CNTN5: variants seen among roughly 807,000 people sequenced by gnomAD.
The protein encoded by CNTN5 is contactin-5.
In CNTN5, 77 loss-of-function variants were observed where a neutral mutation model predicts 129.1. The ratio of observed to expected loss-of-function variants is 0.60; its 90% CI spans 0.50 to 0.72. The LOEUF (loss-of-function observed/expected upper bound fraction) is 0.72. Ranked by LOEUF, CNTN5 falls within the 30% of genes least tolerant of loss-of-function variation. The probability of loss-of-function intolerance (pLI) is 0.00; values close to 1 mark genes in which losing one functional copy is unlikely to be tolerated. For missense variants in CNTN5, 1,478 were observed against 1,328.8 expected (o/e 1.11, Z -1.75); for synonymous variants, 509 against 465.6 (o/e 1.09, Z -1.20).
At chr11:100,221,940 A>G (rs192644255) in intron 15 of CNTN5, among the ~76,000 whole-genome samples, 1 of 152,318 alleles carries the variant, frequency 6.6e-6, no homozygotes, top group Non-Finnish European at 1.5e-5. Context: ...ATTTCATTAA[A>G]AGTGCACTAA....
chr11:99,313,639 ATTTCAAGGAATATTTTGTCTCCT>A (rs1865210760), intron 1 of CNTN5, among the ~76,000 whole-genome samples: 1 of 152,074 alleles, frequency 6.6e-6, no homozygotes, highest in African/African-American at 2.4e-5. Flanking sequence ...CAAAGTGTAC[ATTTCAAGGAATATTTTGTCTCCT>A]TTACAAGAAG....
At position 100,036,629 on chromosome 11, in the gene CNTN5, C is replaced by T. The variant is rs1290371289; in HGVS notation, c.981-24583C>T. Among the ~76,000 whole-genome samples, 2 of 149,828 alleles carry T rather than the reference C, an allele frequency of 1.3e-5. 1 individual carries two copies. Among genetic ancestry groups the T allele is most frequent in the Non-Finnish European group, 3.0e-5 (2 of 67,184 alleles). Reference sequence around the variant, plus strand: ...GGAATGTTCTTCCATTTGTTTGTATCCTCTTTTATTTCATTGAGCAGTGGT... The same window carrying T: ...GGAATGTTCTTCCATTTGTTTGTATTCTCTTTTATTTCATTGAGCAGTGGT... On this transcript the variant is annotated intron_variant, in intron 9 of 24. Transcript: ENST00000524871.
At chr11:100,211,268 G>A (rs7115798) in intron 15 of CNTN5, among the ~76,000 whole-genome samples, 22,196 of 152,058 alleles carry the variant, frequency 0.15, 2,187 homozygotes, top group South Asian at 0.4. Flanking sequence ...CAGCATTTAC[G>A]TATTTCTGCT....
In CNTN5 at chr11:99,872,202, C is replaced by T. The variant is rs181615341; in HGVS notation, c.577+26940C>T. 6.6e-5 allele frequency among the ~76,000 whole-genome samples: 10 copies of T among 151,954 alleles called. No individual in the cohort carries two copies. The East Asian group carries it at 1.9e-3, about 29-fold the overall frequency. ...TTTTATAACAAGTGATTCTAGGATT[C>T]ATCACAAAATTAACACATTAATACA... is the stretch of plus-strand genomic sequence containing the variant. On this transcript the variant is annotated intron_variant, in intron 6 of 24. Coordinates refer to ENST00000524871, the MANE Select transcript of CNTN5 (RefSeq NM_014361.4).
chr11:99,646,923 A>T (rs1951985730), intron 3 of CNTN5, among the ~76,000 whole-genome samples: 1 of 151,830 alleles, frequency 6.6e-6, no homozygotes, highest in African/African-American at 2.4e-5. Context: ...TTCCTTACAT[A>T]TTCTGGGTAT....
At chr11:99,126,617 G>A (rs955112661) in intron 1 of CNTN5, among the ~76,000 whole-genome samples, 3 of 152,152 alleles carry the variant, frequency 2.0e-5, no homozygotes, top group African/African-American at 7.2e-5. Flanking sequence ...AAAGTCCTGG[G>A]TCTATTTTAG....
intron 2 of CNTN5, among the ~76,000 whole-genome samples, chr11:99,435,975 T>C (rs1270007675): frequency 6.6e-6 from 1 of 152,208 alleles, no homozygotes; most frequent in East Asian, 1.9e-4. Context: ...CGTATTCAAC[T>C]TTGAAATGAC....
intron 3 of CNTN5, among the ~76,000 whole-genome samples, chr11:99,641,332 A>T: frequency 6.6e-6 from 1 of 152,196 alleles, no homozygotes; most frequent in South Asian, 2.1e-4. Flanking sequence ...TGATAATAAT[A>T]ATGAAACAAT....
At chr11:99,343,585 ATAT>A (rs2136062651) in intron 2 of CNTN5, among the ~76,000 whole-genome samples, 1 of 152,322 alleles carries the variant, frequency 6.6e-6, no homozygotes, top group African/African-American at 2.4e-5. Context: ...TGAAAAATTT[ATAT>A]TATTGTGTTA....
intron 13 of CNTN5, among the ~76,000 whole-genome samples, chr11:100,175,234 A>C (rs1346073479): frequency 2.0e-5 from 3 of 152,060 alleles, no homozygotes; most frequent in Non-Finnish European, 4.4e-5. Context: ...CAGCAGGTCT[A>C]CTTTTAAAAT....
At chr11:99,052,569 A>G (rs991118035) in intron 1 of CNTN5, among the ~76,000 whole-genome samples, 1 of 151,914 alleles carries the variant, frequency 6.6e-6, no homozygotes, top group African/African-American at 2.4e-5. Context: ...TGCTTAATGC[A>G]TTTCTAAGAA....
At chr11:99,030,439 A>G (rs529669172) in intron 1 of CNTN5, among the ~76,000 whole-genome samples, 69 of 152,154 alleles carry the variant, frequency 4.5e-4, no homozygotes, top group African/African-American at 1.7e-3. Context: ...GACATGTTTT[A>G]TTTTAATGAC....
intron 8 of CNTN5, among the ~76,000 whole-genome samples, chr11:99,996,810 G>A (rs997111117): frequency 6.6e-6 from 1 of 152,206 alleles, no homozygotes; most frequent in Non-Finnish European, 1.5e-5. Context: ...GAGAGAGGGA[G>A]CATGGAAAAC....
At chr11:100,034,598 T>C (rs1017855150) in intron 9 of CNTN5, among the ~76,000 whole-genome samples, 1 of 152,220 alleles carries the variant, frequency 6.6e-6, no homozygotes, top group Non-Finnish European at 1.5e-5. Context: ...CTGTGCACCA[T>C]GGACTGGTCA....
intron 8 of CNTN5, among the ~76,000 whole-genome samples, chr11:99,968,109 A>G (rs1040581100): frequency 2.0e-5 from 3 of 152,056 alleles, no homozygotes; most frequent in Non-Finnish European, 2.9e-5. Flanking sequence ...CCTTTCTTTC[A>G]GTCCATGTGG....
At chr11:99,437,259 G>T (rs1181747658) in intron 2 of CNTN5, among the ~76,000 whole-genome samples, 2 of 152,166 alleles carry the variant, frequency 1.3e-5, no homozygotes, top group African/African-American at 2.4e-5. Flanking sequence ...TTATGTTAAA[G>T]TCACACAACT....
intron 6 of CNTN5, among the ~76,000 whole-genome samples, chr11:99,898,657 G>C (rs1288831960): frequency 6.6e-6 from 1 of 151,846 alleles, no homozygotes; most frequent in Non-Finnish European, 1.5e-5. Flanking sequence ...GTTATTTAAA[G>C]AATATTCCTA....
chr11:99,077,548 A>G (rs1312830630), intron 1 of CNTN5, among the ~76,000 whole-genome samples: 6 of 152,272 alleles, frequency 3.9e-5, no homozygotes, highest in Admixed American at 2.0e-4. Context: ...CTTATCTGTA[A>G]TTTTACTCAT....
intron 2 of CNTN5, among the ~76,000 whole-genome samples, chr11:99,367,565 A>G (rs1010617379): frequency 3.9e-5 from 6 of 152,180 alleles, no homozygotes; most frequent in African/African-American, 1.4e-4. Flanking sequence ...GGAAAGAATG[A>G]CAGTGCTTAT....
Sources: allele counts gnomAD v4.1 joint callset (sites outside exome capture counted in the v4.1 genomes callset), GRCh38; gene constraint gnomAD v4.1.1; transcripts MANE v1.5; gene names NCBI Gene and HGNC (gene_info 2026-07-23, HGNC 2026-07-21).